VTI1A: variants seen among roughly 807,000 people sequenced by gnomAD.
VTI1A encodes vesicle transport through interaction with t-SNAREs homolog 1A.
A neutral mutation model predicts 34.9 loss-of-function variants in VTI1A; 22 were observed. The ratio of observed to expected loss-of-function variants is 0.63; its 90% CI spans 0.45 to 0.90. The LOEUF is 0.90. VTI1A is among the 40% of genes least tolerant of loss of function. The probability of loss-of-function intolerance (pLI) is 0.00; values close to 1 mark genes in which losing one functional copy is unlikely to be tolerated. For synonymous variants in VTI1A, 87 were observed against 97.3 expected, an observed-to-expected ratio of 0.89 and a Z score of 0.62; for missense variants, 268 against 275.6, an observed-to-expected ratio of 0.97 and a Z score of 0.20.
At chr10:112,643,984 G>GT (rs1846678390) in intron 5 of VTI1A, among the ~76,000 whole-genome samples, 2 of 137,154 alleles carry the variant, frequency 1.5e-5, no homozygotes, top group South Asian at 5.4e-4. Context: ...TGAATAGGAG[G>GT]TAAAAAAAAA....
intron 7 of VTI1A, among the ~76,000 whole-genome samples, chr10:112,700,117 C>CA (rs1201699870): frequency 0.048 from 1,870 of 39,182 alleles, 40 homozygotes; most frequent in African/African-American, 0.057. Context: ...GACTCCATCT[C>CA]AAAAAAAAAA....
At chr10:112,786,936 A>T (rs139079302) in intron 7 of VTI1A, among the ~76,000 whole-genome samples, 2 of 152,204 alleles carry the variant, frequency 1.3e-5, no homozygotes, top group Non-Finnish European at 2.9e-5. Context: ...ACAAGTTGGC[A>T]TAGTCTCTCC....
chr10:112,809,377 A>G (rs371897598), intron 7 of VTI1A, among the ~76,000 whole-genome samples: 1 of 152,240 alleles, frequency 6.6e-6, no homozygotes, highest in African/African-American at 2.4e-5. Flanking sequence ...AAGTGCCTAG[A>G]GAGAAGCAGA....
intron 7 of VTI1A, among the ~76,000 whole-genome samples, chr10:112,799,654 T>C (rs1049509166): frequency 3.3e-5 from 5 of 152,090 alleles, no homozygotes; most frequent in African/African-American, 1.2e-4. Context: ...ACCTGGGGGC[T>C]CTGTTATCTG....
chr10:112,462,896 T>TTGTA (rs529733170), intron 2 of VTI1A, among the ~76,000 whole-genome samples: 7 of 144,776 alleles, frequency 4.8e-5, no homozygotes, highest in Non-Finnish European at 1.1e-4. Flanking sequence ...TGTTACTGGT[T>TTGTA]TTTATTTATT....
At chr10:112,722,909 C>A (rs1340786086) in intron 7 of VTI1A, among the ~76,000 whole-genome samples, 1 of 152,150 alleles carries the variant, frequency 6.6e-6, no homozygotes, top group Non-Finnish European at 1.5e-5. Flanking sequence ...TCTTGTCTAG[C>A]ATTTCTATTA....
chr10:112,717,603 A>T (rs1044931926), intron 7 of VTI1A, among the ~76,000 whole-genome samples: 1 of 152,162 alleles, frequency 6.6e-6, no homozygotes, highest in Non-Finnish European at 1.5e-5. Context: ...ATCTTACGGT[A>T]TGGCAGCCTC....
At position 112,538,236 on chromosome 10, in the gene VTI1A, T is replaced by A. The variant is rs1284424799; in HGVS notation, c.343-10T>A. 1 of 1,610,516 alleles carries A rather than the reference T, an allele frequency of 6.2e-7. No homozygotes were observed. The highest frequency in any genetic ancestry group is 8.5e-7 in the Non-Finnish European group (1 of 1,178,822). ...CGTCTGATTTTTTTTTCCCCCTTTT[T>A]CTTTTTCAGAGGGCACATCTGCTCG... On this transcript the variant is annotated splice_polypyrimidine_tract_variant and intron_variant, in intron 4 of 7. Coordinates refer to ENST00000393077, the MANE Select transcript of VTI1A (RefSeq NM_145206.4).
At chr10:112,585,229 C>T (rs988977265) in intron 5 of VTI1A, among the ~76,000 whole-genome samples, 6 of 152,154 alleles carry the variant, frequency 3.9e-5, no homozygotes, top group African/African-American at 1.2e-4. Flanking sequence ...CATGAATGGG[C>T]GAGGTGCACC....
chr10:112,791,848 T>C (rs1440864042), intron 7 of VTI1A, among the ~76,000 whole-genome samples: 1 of 140,918 alleles, frequency 7.1e-6, no homozygotes. Context: ...TTTTTTTTGC[T>C]TCAGTAGCCT....
intron 5 of VTI1A, among the ~76,000 whole-genome samples, chr10:112,625,094 T>C (rs972462937): frequency 1.3e-5 from 2 of 152,060 alleles, no homozygotes; most frequent in African/African-American, 2.4e-5. Context: ...TGTGGCACTG[T>C]CTCAAAAAAA....
Position 112,729,888 on chromosome 10 carries a change from A to G in VTI1A, c.560+60890A>G, listed in dbSNP as rs959488639. ...GCAAGTGTCATGTCTTGTGATCAGG[A>G]GAGTTCTACCAGCCCTCTTTGTGCG... On this transcript the variant is annotated intron_variant, in intron 7 of 7. Coordinates refer to ENST00000393077, the MANE Select transcript of VTI1A (RefSeq NM_145206.4). Among the ~76,000 whole-genome samples the G allele has an allele frequency of 3.0e-4, 46 of 152,194 alleles. 2 individuals are homozygous for G. Among genetic ancestry groups the G allele is most frequent in the Non-Finnish European group, 2.9e-5 (2 of 68,046 alleles).
At chr10:112,577,446 C>T (rs1843753689) in intron 5 of VTI1A, among the ~76,000 whole-genome samples, 2 of 151,830 alleles carry the variant, frequency 1.3e-5, no homozygotes, top group Admixed American at 1.3e-4. Context: ...AAGAGTAGAC[C>T]AGGCACTCTT....
chr10:112,809,513 G>T (rs1853211335), intron 7 of VTI1A, among the ~76,000 whole-genome samples: 1 of 152,202 alleles, frequency 6.6e-6, no homozygotes, highest in Admixed American at 6.5e-5. Flanking sequence ...GGCAGGTACA[G>T]GATGCTGCTC....
intron 4 of VTI1A, among the ~76,000 whole-genome samples, chr10:112,537,063 GCCACTCAGATAA>G (rs1314892706): frequency 6.6e-6 from 1 of 151,744 alleles, no homozygotes; most frequent in African/African-American, 2.4e-5. Context: ...TCGCTCGACA[GCCACTCAGATAA>G]TATGTGTGGC....
intron 5 of VTI1A, among the ~76,000 whole-genome samples, chr10:112,630,109 A>C (rs1189523899): frequency 6.6e-6 from 1 of 152,240 alleles, no homozygotes; most frequent in Non-Finnish European, 1.5e-5. Context: ...TGAAGGTTCC[A>C]GAGACTCTTT....
At chr10:112,565,012 C>T (rs1222281166) in intron 5 of VTI1A, among the ~76,000 whole-genome samples, 4 of 151,948 alleles carry the variant, frequency 2.6e-5, no homozygotes, top group Non-Finnish European at 5.9e-5. Context: ...CCTATGCTGC[C>T]GTAAAATGAA....
intron 7 of VTI1A, among the ~76,000 whole-genome samples, chr10:112,735,819 G>T (rs1850430303): frequency 6.6e-6 from 1 of 151,520 alleles, no homozygotes; most frequent in Non-Finnish European, 1.5e-5. Flanking sequence ...TGTCAGTCTG[G>T]TCACTGAGTC....
intron 7 of VTI1A, among the ~76,000 whole-genome samples, chr10:112,709,657 C>T (rs183125566): frequency 1.1e-3 from 161 of 149,976 alleles, no homozygotes; most frequent in Non-Finnish European, 1.7e-3. Flanking sequence ...TTTCAGATCT[C>T]CCCAACAAGA....
Sources: allele counts gnomAD v4.1 joint callset (sites outside exome capture counted in the v4.1 genomes callset), GRCh38; gene constraint gnomAD v4.1.1; transcripts MANE v1.5; gene names NCBI Gene and HGNC (gene_info 2026-07-23, HGNC 2026-07-21).